LRRTM4: variants seen among roughly 807,000 people sequenced by gnomAD.
LRRTM4 encodes the protein leucine-rich repeat transmembrane neuronal protein 4.
In LRRTM4, 25 loss-of-function variants were observed where a neutral mutation model predicts 47.6. The observed-to-expected ratio is 0.53, with a 90% CI of 0.38 to 0.73. The LOEUF is 0.73. Among genes scored for constraint, LRRTM4 ranks in the 30% least tolerant of loss-of-function variants. The pLI, the probability that LRRTM4 is intolerant of heterozygous loss-of-function variation, is 0.00. For missense variants in LRRTM4, 638 were observed against 713.4 expected, an observed-to-expected ratio of 0.89 and a Z score of 1.20; for synonymous variants, 311 against 269.5, an observed-to-expected ratio of 1.15 and a Z score of -1.51.
chr2:77,074,205 C>T (rs1283713897), intron 3 of LRRTM4, among the ~76,000 whole-genome samples: 1 of 152,150 alleles, frequency 6.6e-6, no homozygotes, highest in Non-Finnish European at 1.5e-5. Flanking sequence ...ATCATATCTG[C>T]ATTTATACTT....
At chr2:77,284,480 A>T (rs1676596293) in intron 3 of LRRTM4, among the ~76,000 whole-genome samples, 2 of 152,076 alleles carry the variant, frequency 1.3e-5, no homozygotes, top group Admixed American at 6.6e-5. Context: ...TTAAAATTCC[A>T]TTGGACAGGT....
At chr2:77,506,561 C>T (rs1297898095) in intron 3 of LRRTM4, among the ~76,000 whole-genome samples, 3 of 151,406 alleles carry the variant, frequency 2.0e-5, no homozygotes, top group Non-Finnish European at 4.4e-5. Flanking sequence ...TGTCAAATTG[C>T]TAAAAAAGAG....
intron 3 of LRRTM4, among the ~76,000 whole-genome samples, chr2:77,235,689 G>T (rs1348000045): frequency 2.6e-5 from 4 of 152,098 alleles, no homozygotes; most frequent in African/African-American, 4.8e-5. Context: ...GTTAATTACT[G>T]TATATGGTGA....
intron 3 of LRRTM4, among the ~76,000 whole-genome samples, chr2:77,247,093 T>A (rs1401205489): frequency 6.6e-6 from 1 of 152,092 alleles, no homozygotes; most frequent in Non-Finnish European, 1.5e-5. Context: ...AAGGATGAGG[T>A]CTGTTTGTTA....
At chr2:76,901,104 G>A (rs11887943) in intron 3 of LRRTM4, among the ~76,000 whole-genome samples, 2,168 of 152,054 alleles carry the variant, frequency 0.014, 67 homozygotes, top group South Asian at 0.074. Flanking sequence ...TGTTACATTG[G>A]TAAACGTATA....
intron 3 of LRRTM4, among the ~76,000 whole-genome samples, chr2:76,813,294 A>C (rs1670799677): frequency 1.3e-5 from 2 of 152,200 alleles, no homozygotes; most frequent in African/African-American, 4.8e-5. Context: ...TTTTCTTTAC[A>C]TAAATCATCA....
intron 3 of LRRTM4, among the ~76,000 whole-genome samples, chr2:76,814,835 A>G (rs1437197895): frequency 2.7e-5 from 4 of 150,564 alleles, no homozygotes; most frequent in Non-Finnish European, 5.9e-5. Flanking sequence ...ACACACACAC[A>G]AAAGCATACC....
At chr2:76,758,231 C>G (rs957458768) in intron 3 of LRRTM4, among the ~76,000 whole-genome samples, 2 of 152,112 alleles carry the variant, frequency 1.3e-5, no homozygotes, top group Non-Finnish European at 2.9e-5. Flanking sequence ...TCCAATCTGA[C>G]AGTACAGTGG....
chr2:77,053,674 G>C (rs983840708), intron 3 of LRRTM4, among the ~76,000 whole-genome samples: 2 of 152,020 alleles, frequency 1.3e-5, no homozygotes, highest in African/African-American at 2.4e-5. Context: ...TTATCTGCTA[G>C]AGGTAATAGA....
At chr2:77,506,550 C>T (rs1271167791) in intron 3 of LRRTM4, among the ~76,000 whole-genome samples, 1 of 151,586 alleles carries the variant, frequency 6.6e-6, no homozygotes, top group Non-Finnish European at 1.5e-5. Context: ...AAAAAATAAC[C>T]TGTCAAATTG....
chr2:76,755,250 G>A (rs1056529986), intron 3 of LRRTM4, among the ~76,000 whole-genome samples: 1 of 152,128 alleles, frequency 6.6e-6, no homozygotes, highest in Non-Finnish European at 1.5e-5. Flanking sequence ...TGGTCATGGG[G>A]AGGAAGTTTT....
intron 3 of LRRTM4, among the ~76,000 whole-genome samples, chr2:76,870,032 G>A (rs1264541830): frequency 6.6e-6 from 1 of 152,114 alleles, no homozygotes; most frequent in South Asian, 2.1e-4. Context: ...TACCCAAATT[G>A]GAATATTGCC....
intron 3 of LRRTM4, among the ~76,000 whole-genome samples, chr2:76,832,166 T>C (rs1178644143): frequency 6.6e-6 from 1 of 152,002 alleles, no homozygotes; most frequent in Non-Finnish European, 1.5e-5. Context: ...GTCTGTATTT[T>C]ATTTTATCTT....
intron 3 of LRRTM4, among the ~76,000 whole-genome samples, chr2:76,974,494 A>G (rs1676351154): frequency 6.7e-6 from 1 of 149,942 alleles, no homozygotes; most frequent in African/African-American, 2.5e-5. Context: ...ATCTATACAA[A>G]CTTGTAATAA....
intron 3 of LRRTM4, among the ~76,000 whole-genome samples, chr2:77,232,736 T>C (rs745982372): frequency 1.3e-5 from 2 of 152,234 alleles, no homozygotes; most frequent in African/African-American, 2.4e-5. Context: ...TCAATACTTA[T>C]GGGTAAGAGT....
chr2:76,812,192 G>A (rs1272159531), intron 3 of LRRTM4, among the ~76,000 whole-genome samples: 4 of 152,132 alleles, frequency 2.6e-5, no homozygotes, highest in Admixed American at 2.6e-4. Context: ...ATGAAACAAT[G>A]CATGCTTCCT....
At chr2:77,148,699 G>A (rs1391690483) in intron 3 of LRRTM4, among the ~76,000 whole-genome samples, 2 of 152,148 alleles carry the variant, frequency 1.3e-5, no homozygotes, top group African/African-American at 4.8e-5. Flanking sequence ...ATTGTAGAAA[G>A]CAGTTTTCAG....
At chr2:76,911,464 C>T (rs1156417156) in intron 3 of LRRTM4, among the ~76,000 whole-genome samples, 6 of 152,092 alleles carry the variant, frequency 3.9e-5, no homozygotes, top group East Asian at 1.9e-4. Flanking sequence ...TTTTGTATTC[C>T]CATCAAGAAT....
At chr2:77,105,055 A>G (rs925873659) in intron 3 of LRRTM4, among the ~76,000 whole-genome samples, 1 of 133,472 alleles carries the variant, frequency 7.5e-6, no homozygotes, top group Non-Finnish European at 1.6e-5. Flanking sequence ...AATGAAAATA[A>G]AAGAAAAAAA....
Sources: gnomAD v4.1 joint callset for allele counts (sites outside exome capture counted in the v4.1 genomes callset) on GRCh38, gnomAD v4.1.1 for gene constraint, MANE v1.5 for transcripts, NCBI Gene and HGNC (gene_info 2026-07-23, HGNC 2026-07-21) for gene names.